Variants in PPM1B observed in about 807,000 individuals in gnomAD.
PPM1B encodes protein phosphatase, Mg2+/Mn2+ dependent 1B.
In PPM1B, 22 loss-of-function variants were observed where a neutral mutation model predicts 43.0. The ratio of observed to expected loss-of-function variants is 0.51; its 90% CI spans 0.37 to 0.73. The LOEUF is 0.73. Ranked by LOEUF, PPM1B falls within the 30% of genes least tolerant of loss-of-function variation. The pLI, the probability that PPM1B is intolerant of heterozygous loss-of-function variation, is 0.00. For synonymous variants in PPM1B, 217 were observed against 197.9 expected (o/e 1.10, Z -0.81); for missense variants, 632 against 584.2 (o/e 1.08, Z -0.84).
At chr2:44,232,008 C>T (rs368111722), downstream of PPM1B, among the ~76,000 whole-genome samples, 5 of 152,234 alleles carry the variant, frequency 3.3e-5, no homozygotes, top group South Asian at 2.1e-4. Context: ...ATTGAAACTT[C>T]GGAATCTTTG....
chr2:44,246,039 T>C (rs1394945129), downstream of PPM1B, among the ~76,000 whole-genome samples: 2 of 152,208 alleles, frequency 1.3e-5, no homozygotes, highest in Non-Finnish European at 2.9e-5. Flanking sequence ...ATATTCTCTT[T>C]TCTGTCCCCC....
At chr2:44,203,107 T>C (rs1460446053) in intron 2 of PPM1B, among the ~76,000 whole-genome samples, 1 of 152,204 alleles carries the variant, frequency 6.6e-6, no homozygotes, top group African/African-American at 2.4e-5. Context: ...TCTCTGGGTC[T>C]CTGGAAATGC....
At chr2:44,216,362 C>A (rs1436508166) in intron 3 of PPM1B, among the ~76,000 whole-genome samples, 1 of 151,936 alleles carries the variant, frequency 6.6e-6, no homozygotes, top group Non-Finnish European at 1.5e-5. Flanking sequence ...GCCCCCACAA[C>A]AAAAAAATTG....
chr2:44,224,797 A>G (rs991393946), intron 5 of PPM1B, among the ~76,000 whole-genome samples: 2 of 152,196 alleles, frequency 1.3e-5, no homozygotes, highest in African/African-American at 4.8e-5. Context: ...AGCTGATATG[A>G]TAGTTTAATC....
In PPM1B at chr2:44,202,030, C is replaced by G. The variant is rs201318610; in HGVS notation, c.831C>G (p.Asp277Glu). 1.6e-4 allele frequency: 250 copies of G among 1,567,348 alleles called. 1 individual carries two copies. The highest frequency in any genetic ancestry group is 2.1e-4 in the Non-Finnish European group (239 of 1,158,320). Residue 277 changes from aspartate to glutamate, a missense_variant, in exon 2 of 6, where the codon GAC becomes GAG. By Grantham distance (45) the Asp-to-Glu change is conservative (BLOSUM62 2). Transcript: ENST00000282412. ...DLENVCNWVV[D>E]TCLHKGSRDN... ...AAAATGTGTGCAATTGGGTAGTGGA[C>G]ACTTGTTTACACAAGGTATGTAAAC...
chr2:44,206,356 A>G (rs1572722209), intron 2 of PPM1B, among the ~76,000 whole-genome samples: 1 of 152,234 alleles, frequency 6.6e-6, no homozygotes, highest in African/African-American at 2.4e-5. Context: ...CTACTGAAAC[A>G]TATTCATACT....
chr2:44,244,187 C>CATAT (rs111878311), intron 5 of PPM1B: 47 of 916,112 alleles, frequency 5.1e-5, no homozygotes, highest in Admixed American at 1.0e-4. Context: ...AAAAAAAAAC[C>CATAT]ATATATATAT....
chr2:44,173,031 G>A (rs141783670), intron 1 of PPM1B, among the ~76,000 whole-genome samples: 2,350 of 152,298 alleles, frequency 0.015, 24 homozygotes, highest in Non-Finnish European at 0.025. Flanking sequence ...ACTAACAAGC[G>A]TGGCCAGGCG....
chr2:44,244,354 C>T lies in PPM1B; in HGVS notation n.1673C>T, dbSNP rs746208871. 1.8e-5 allele frequency: 24 copies of T among 1,357,324 alleles called. No individual in the cohort carries two copies. In the East Asian group the frequency reaches 2.7e-4, roughly 16 times the overall value. The allele number at this position is 1,357,324 out of a possible 1,614,324, so 84.1% of individuals were successfully genotyped here. ...AAAAAGGTTTTTTTGTAAACCCGAA[C>T]GAAAAATAAACCCAGCATTATATAA... On this transcript the variant is annotated non_coding_transcript_exon_variant, in exon 6 of 6. Coordinates refer to the PPM1B transcript ENST00000378540.
At chr2:44,175,115 G>T (rs1436826583) in intron 1 of PPM1B, among the ~76,000 whole-genome samples, 1 of 152,140 alleles carries the variant, frequency 6.6e-6, no homozygotes, top group African/African-American at 2.4e-5. Context: ...TTAGCTGGGT[G>T]TGGCGGCATG....
intron 1 of PPM1B, among the ~76,000 whole-genome samples, chr2:44,185,288 C>A: frequency 6.6e-6 from 1 of 152,058 alleles, no homozygotes; most frequent in East Asian, 1.9e-4. Context: ...TTGTATGATA[C>A]CTTGCCCTAT....
intron 1 of PPM1B, among the ~76,000 whole-genome samples, chr2:44,188,273 T>C (rs766948305): frequency 2.6e-5 from 4 of 152,240 alleles, no homozygotes; most frequent in African/African-American, 7.2e-5. Flanking sequence ...AAGTATCTTT[T>C]TGAATCTGAG....
At chr2:44,206,954 A>G (rs1222108145) in intron 2 of PPM1B, among the ~76,000 whole-genome samples, 1 of 152,220 alleles carries the variant, frequency 6.6e-6, no homozygotes, top group Non-Finnish European at 1.5e-5. Flanking sequence ...AAGTATATTC[A>G]TATAACCAAA....
chr2:44,234,938 T>A (rs557784227), downstream of PPM1B, among the ~76,000 whole-genome samples: 1 of 152,202 alleles, frequency 6.6e-6, no homozygotes, highest in Non-Finnish European at 1.5e-5. Flanking sequence ...ACTGAATTCT[T>A]GTTTGTGCTT....
chr2:44,195,547 G>T (rs1045950955), intron 1 of PPM1B, among the ~76,000 whole-genome samples: 12 of 152,058 alleles, frequency 7.9e-5, no homozygotes, highest in African/African-American at 1.2e-4. Context: ...GGCCAGGTGT[G>T]GTGGCTCACA....
chr2:44,228,299 C>T (rs1045577000), intron 5 of PPM1B, among the ~76,000 whole-genome samples: 2 of 150,026 alleles, frequency 1.3e-5, no homozygotes, highest in East Asian at 2.0e-4. Context: ...CTCAACCTCT[C>T]GCCTCAGTTC....
downstream of PPM1B, among the ~76,000 whole-genome samples, chr2:44,237,027 CAT>C (rs1415604434): frequency 3.9e-5 from 6 of 152,144 alleles, no homozygotes; most frequent in East Asian, 1.9e-4. Context: ...CAAATGTTAA[CAT>C]AATTGTTAAG....
chr2:44,183,674 C>T (rs1450635483), intron 1 of PPM1B, among the ~76,000 whole-genome samples: 1 of 152,182 alleles, frequency 6.6e-6, no homozygotes. Flanking sequence ...CTTTTTGACC[C>T]AACTTTGAGC....
At chr2:44,230,059 G>T in intron 5 of PPM1B, 1 of 1,558,552 alleles carries the variant, frequency 6.4e-7, no homozygotes, top group South Asian at 1.2e-5. Context: ...TTTAAACATT[G>T]ATTTTCTTTT....
Sources: gnomAD v4.1 joint callset for allele counts (sites outside exome capture counted in the v4.1 genomes callset) on GRCh38, gnomAD v4.1.1 for gene constraint, MANE v1.5 for transcripts, NCBI Gene and HGNC (gene_info 2026-07-23, HGNC 2026-07-21) for gene names.